Variants in MAL2 observed in about 807,000 individuals in gnomAD.
MAL2 encodes the protein protein MAL2.
In MAL2, 17 loss-of-function variants were observed where a neutral mutation model predicts 18.1. That is an observed-to-expected ratio of 0.94 (90% CI 0.64 to 1.41). The LOEUF (loss-of-function observed/expected upper bound fraction) is 1.41, where lower values mean the gene tolerates loss of function less well. MAL2 is among the 40% of genes most tolerant of loss of function. The probability of loss-of-function intolerance (pLI) is 0.00; values close to 1 mark genes in which losing one functional copy is unlikely to be tolerated. For missense variants in MAL2, 222 were observed against 231.9 expected (o/e 0.96, Z 0.28); for synonymous variants, 102 against 102.3 (o/e 1.00, Z 0.02).
chr8:119,221,595 G>T lies in MAL2; in HGVS notation c.141G>T (p.Gly47=), dbSNP rs1322171388. 1.2e-6 allele frequency: 2 copies of T among 1,613,644 alleles called. No individual in the cohort carries two copies. Among genetic ancestry groups the T allele is most frequent in the East Asian group, 2.2e-5 (1 of 44,880 alleles). The part of the protein sequence containing the change: ...GAFVCLEILF[G]GLVWILVASS... ...CTCTTTTTCTCTTTCAGCTGTTCGG[G>T]GGTCTTGTCTGGATTTTGGTTGCCT... The change falls in exon 2 of 4, where the codon GGG becomes GGT. Residue 47 remains glycine, a synonymous_variant. Coordinates refer to ENST00000614891, the MANE Select transcript of MAL2 (RefSeq NM_052886.3).
chr8:119,230,658 A>T (rs1465404019), intron 2 of MAL2, among the ~76,000 whole-genome samples: 1 of 152,206 alleles, frequency 6.6e-6, no homozygotes, highest in African/African-American at 2.4e-5. Flanking sequence ...AAATCTCTTT[A>T]TTTAAAGATA....
At chr8:119,239,064 TCAAA>T (rs1817984319) in intron 2 of MAL2, among the ~76,000 whole-genome samples, 3 of 151,154 alleles carry the variant, frequency 2.0e-5, no homozygotes, top group Admixed American at 6.6e-5. Context: ...TACAATGAAC[TCAAA>T]CAAATTTACA....
intron 2 of MAL2, among the ~76,000 whole-genome samples, chr8:119,232,629 C>A (rs1817757779): frequency 6.6e-6 from 1 of 152,136 alleles, no homozygotes; most frequent in Non-Finnish European, 1.5e-5. Flanking sequence ...TTATTGAATT[C>A]TATTAGTCTT....
At chr8:119,217,428 C>T (rs1160337816) in intron 1 of MAL2, among the ~76,000 whole-genome samples, 1 of 152,098 alleles carries the variant, frequency 6.6e-6, no homozygotes, top group Non-Finnish European at 1.5e-5. Flanking sequence ...ATACCTACTC[C>T]TAGGAGGTTT....
Position 119,244,714 on chromosome 8 carries a change from G to GT in MAL2, c.*1231dup, listed in dbSNP as rs1818116333. 6.6e-6 allele frequency: 1 copy of GT among 152,184 alleles called. No individual in the cohort carries two copies. Among genetic ancestry groups the GT allele is most frequent in the Admixed American group, 6.6e-5 (1 of 15,252 alleles). 9.4% of individuals were successfully genotyped at this position (152,184 alleles called of 1,614,324 possible). ...TTGTATTAGCCCAGACATCTGTAAT[G>GT]TTTTTGCACTGGTGACAGACAAAAT... On this transcript the variant is annotated 3_prime_UTR_variant, in exon 4 of 4. Coordinates refer to ENST00000614891, the MANE Select transcript of MAL2 (RefSeq NM_052886.3).
intron 2 of MAL2, among the ~76,000 whole-genome samples, chr8:119,229,301 C>T (rs1563773609): frequency 7.4e-6 from 1 of 134,872 alleles, no homozygotes; most frequent in South Asian, 2.6e-4. Flanking sequence ...TGTATATTCT[C>T]ACTGTGGGCC....
rs557167299 is a variant in MAL2, at chr8:119,245,614, A to G, written c.*2126A>G. 2 of 152,526 alleles carry G rather than the reference A, an allele frequency of 1.3e-5. No homozygotes were observed. The highest frequency in any genetic ancestry group is 1.5e-5 in the Non-Finnish European group (1 of 68,024). 9.4% of individuals were successfully genotyped at this position (152,526 alleles called of 1,614,324 possible). The stretch of plus-strand genomic sequence containing the variant: ...GTTGGTTTTAAAATCTGGTAACTCC[A>G]TGATGAAAAGAAATTTATTTTATAC... On this transcript the variant is annotated 3_prime_UTR_variant, in exon 4 of 4. Transcript: ENST00000614891.
chr8:119,232,313 T>TA (rs1563774980), intron 2 of MAL2, among the ~76,000 whole-genome samples: 3 of 152,148 alleles, frequency 2.0e-5, no homozygotes, highest in African/African-American at 7.2e-5. Flanking sequence ...AATATTTGTC[T>TA]GGCTTCAAAC....
At chr8:119,237,791 A>C (rs1817941894) in intron 2 of MAL2, among the ~76,000 whole-genome samples, 2 of 151,500 alleles carry the variant, frequency 1.3e-5, no homozygotes, top group Admixed American at 1.3e-4. Context: ...ACGTATTTCA[A>C]AATAGTAAGA....
At position 119,238,782 on chromosome 8, in the gene MAL2, G is replaced by A. The variant is rs574368800; in HGVS notation, c.304-1383G>A. ...CCTTATACAAAAATTAATTCAAGATGGATTAAAGACTTAAACCTTAGACCT... is the reference window on the plus strand; with the variant it reads ...CCTTATACAAAAATTAATTCAAGATAGATTAAAGACTTAAACCTTAGACCT... On this transcript the variant is annotated intron_variant, in intron 2 of 3. Coordinates refer to ENST00000614891, the MANE Select transcript of MAL2 (RefSeq NM_052886.3). Among the ~76,000 whole-genome samples, 147 of 150,560 alleles carry A rather than the reference G, an allele frequency of 9.8e-4. 4 individuals carry two copies. The South Asian group carries it at 0.031, about 31-fold the overall frequency.
At chr8:119,226,995 G>T (rs574498652) in intron 2 of MAL2, among the ~76,000 whole-genome samples, 23 of 152,176 alleles carry the variant, frequency 1.5e-4, no homozygotes, top group Non-Finnish European at 2.6e-4. Context: ...GTACACTCAG[G>T]ATGGCCAAAT....
Position 119,225,514 on chromosome 8 carries a change from C to T in MAL2, c.303+3757C>T, listed in dbSNP as rs182961962. Among the ~76,000 whole-genome samples the T allele has an allele frequency of 2.8e-3, 430 of 152,154 alleles. 1 individual carries two copies. Among genetic ancestry groups the T allele is most frequent in the African/African-American group, 9.8e-3 (405 of 41,528 alleles). On this transcript the variant is annotated intron_variant, in intron 2 of 3. Coordinates refer to ENST00000614891, the MANE Select transcript of MAL2 (RefSeq NM_052886.3). ...TATGTGCCACATTTTCTTAATCCAG[C>T]CTCATTGTTGGACATTTCGGTTGGT...
In MAL2 at chr8:119,243,683, C is replaced by T. The variant is rs1818095600; in HGVS notation, c.*195C>T. ...TTTATTATGATATTAAAGAAATGGCCTTTTATTTTACATCTCTCCCCTTTT... is the reference window on the plus strand; with the variant it reads ...TTTATTATGATATTAAAGAAATGGCTTTTTATTTTACATCTCTCCCCTTTT... On this transcript the variant is annotated 3_prime_UTR_variant, in exon 4 of 4. Coordinates refer to ENST00000614891, the MANE Select transcript of MAL2 (RefSeq NM_052886.3). 2.4e-6 allele frequency: 1 copy of T among 410,134 alleles called. No individual in the cohort carries two copies. Among genetic ancestry groups the T allele is most frequent in the Non-Finnish European group, 4.3e-6 (1 of 233,736 alleles). 25.4% of individuals were successfully genotyped at this position (410,134 alleles called of 1,614,324 possible). A position where few individuals can be genotyped will look rare whatever the true frequency, so the allele number is the denominator to read the frequency against.
chr8:119,232,480 G>C (rs1264563440), intron 2 of MAL2, among the ~76,000 whole-genome samples: 3 of 152,098 alleles, frequency 2.0e-5, no homozygotes, highest in Non-Finnish European at 1.5e-5. Context: ...TATTAATTCA[G>C]GTAAGACAAT....
rs1472787529 is a variant in MAL2, at chr8:119,208,518, G to T, written c.46G>T (p.Val16Leu). The T allele has an allele frequency of 1.5e-6, 2 of 1,379,118 alleles. No homozygotes were observed. Among genetic ancestry groups the T allele is most frequent in the Non-Finnish European group, 1.9e-6 (2 of 1,062,298 alleles). The allele number at this position is 1,379,118 out of a possible 1,614,324, so 85.4% of individuals were successfully genotyped here. Residue 16 changes from valine (V) to leucine (L), a missense_variant, in exon 1 of 4, where the codon GTG becomes TTG. Transcript: ENST00000614891. The surrounding 1 kb of genome is among the most constrained non-coding windows in gnomAD (Gnocchi z 4.3). ...ASVPPPPNPA[V>L]SFPPPRVTLP... ...AGTCCCGCCGCCCCCGAACCCCGCC[G>T]TGTCCTTCCCGCCGCCCCGGGTCAC...
In MAL2 at chr8:119,208,800, C is replaced by A; in HGVS notation, c.132+196C>A. 1 of 836,460 alleles carries A rather than the reference C, an allele frequency of 1.2e-6. No homozygotes were observed. Among genetic ancestry groups the A allele is most frequent in the Non-Finnish European group, 1.6e-6 (1 of 634,660 alleles). 51.8% of individuals were successfully genotyped at this position (836,460 alleles called of 1,614,324 possible). ...GCCCTCCCTCCTAGCACCTGTTACG[C>A]GGGCACCTGCTCCCCCGCGGGCGAC... On this transcript the variant is annotated intron_variant, in intron 1 of 3. Coordinates refer to ENST00000614891, the MANE Select transcript of MAL2 (RefSeq NM_052886.3). This position sits in a 1 kb window ranked among gnomAD's most constrained non-coding sequence, Gnocchi z 4.3.
chr8:119,217,612 G>T (rs1169196773), intron 1 of MAL2, among the ~76,000 whole-genome samples: 1 of 152,186 alleles, frequency 6.6e-6, no homozygotes, highest in African/African-American at 2.4e-5. Flanking sequence ...GGCAGTGGCA[G>T]GGAAGGGGTC....
intron 2 of MAL2, among the ~76,000 whole-genome samples, chr8:119,229,498 A>T (rs1013426920): frequency 6.6e-6 from 1 of 152,028 alleles, no homozygotes; most frequent in Non-Finnish European, 1.5e-5. Context: ...TTTTTAGTAG[A>T]GATGGGCTTT....
chr8:119,233,940 A>C (rs993216755), intron 2 of MAL2, among the ~76,000 whole-genome samples: 2 of 152,166 alleles, frequency 1.3e-5, no homozygotes, highest in Admixed American at 6.5e-5. Flanking sequence ...AAATACTGGC[A>C]AACCAAGGGG....
Sources: allele counts gnomAD v4.1 joint callset (sites outside exome capture counted in the v4.1 genomes callset), GRCh38; gene constraint gnomAD v4.1.1; non-coding constraint Gnocchi (gnomAD v3.1); transcripts MANE v1.5; gene names NCBI Gene and HGNC (gene_info 2026-07-23, HGNC 2026-07-21).